FCHSD2: variants seen among roughly 807,000 people sequenced by gnomAD.
FCHSD2 encodes the protein F-BAR and double SH3 domains protein 2.
In FCHSD2, 38 loss-of-function variants were observed where a neutral mutation model predicts 108.1. The observed-to-expected ratio is 0.35, with a 90% CI of 0.27 to 0.46. The LOEUF (loss-of-function observed/expected upper bound fraction) is 0.46, where lower values mean the gene tolerates loss of function less well. Among genes scored for constraint, FCHSD2 ranks in the 20% least tolerant of loss-of-function variants. The probability of loss-of-function intolerance (pLI) is 1.00; values close to 1 mark genes in which losing one functional copy is unlikely to be tolerated. For missense variants in FCHSD2, 751 were observed against 897.8 expected (o/e 0.84, Z 2.09); for synonymous variants, 279 against 314.7 (o/e 0.89, Z 1.20).
chr11:72,906,381 T>G (rs1855630818), intron 9 of FCHSD2, among the ~76,000 whole-genome samples: 1 of 152,218 alleles, frequency 6.6e-6, no homozygotes, highest in African/African-American at 2.4e-5. Flanking sequence ...AGGGTGCCTG[T>G]TCACTCTGAT....
At chr11:72,905,367 T>C (rs1855606860) in intron 9 of FCHSD2, among the ~76,000 whole-genome samples, 1 of 152,216 alleles carries the variant, frequency 6.6e-6, no homozygotes, top group Non-Finnish European at 1.5e-5. Flanking sequence ...GTAATAATCA[T>C]ATCAAGGTAA....
chr11:72,923,792 T>C (rs977870757), intron 8 of FCHSD2, among the ~76,000 whole-genome samples: 1 of 151,930 alleles, frequency 6.6e-6, no homozygotes, highest in Non-Finnish European at 1.5e-5. Context: ...ATACAAAAAT[T>C]AGCTGATGTA....
At chr11:73,059,423 T>C (rs1354342557) in intron 3 of FCHSD2, among the ~76,000 whole-genome samples, 1 of 152,210 alleles carries the variant, frequency 6.6e-6, no homozygotes, top group Non-Finnish European at 1.5e-5. Context: ...TTGTGTCAGA[T>C]AAGTGTTAGC....
intron 2 of FCHSD2, among the ~76,000 whole-genome samples, chr11:73,102,067 C>A (rs985134641): frequency 2.6e-5 from 4 of 152,114 alleles, no homozygotes; most frequent in South Asian, 4.1e-4. Flanking sequence ...TAAATATGAA[C>A]AAATGATTTG....
At chr11:72,995,970 A>T (rs1857512720) in intron 5 of FCHSD2, among the ~76,000 whole-genome samples, 2 of 152,174 alleles carry the variant, frequency 1.3e-5, no homozygotes, top group Admixed American at 1.3e-4. Flanking sequence ...TAAAGAAAGC[A>T]GAATGGAAAA....
chr11:73,134,982 T>C (rs907247364), intron 2 of FCHSD2, among the ~76,000 whole-genome samples: 1 of 151,630 alleles, frequency 6.6e-6, no homozygotes, highest in East Asian at 1.9e-4. Flanking sequence ...GTAGCTAGAG[T>C]AGCTAGGATT....
At chr11:72,917,121 A>C (rs1855890515) in intron 9 of FCHSD2, among the ~76,000 whole-genome samples, 2 of 151,874 alleles carry the variant, frequency 1.3e-5, no homozygotes, top group Non-Finnish European at 2.9e-5. Context: ...AGCAGCTGGG[A>C]CTACAGGCAC....
chr11:72,929,058 T>C (rs1307968555), intron 8 of FCHSD2, among the ~76,000 whole-genome samples: 2 of 152,212 alleles, frequency 1.3e-5, no homozygotes, highest in Non-Finnish European at 1.5e-5. Context: ...GAACTCATCA[T>C]TTTTTATGGC....
At chr11:72,991,866 T>C (rs1054663123) in intron 5 of FCHSD2, among the ~76,000 whole-genome samples, 4 of 152,114 alleles carry the variant, frequency 2.6e-5, no homozygotes, top group East Asian at 3.8e-4. Context: ...AGGGATGCCC[T>C]CTCTCACCAC....
intron 5 of FCHSD2, among the ~76,000 whole-genome samples, chr11:73,000,474 AT>A (rs1166215183): frequency 1.3e-5 from 2 of 152,180 alleles, no homozygotes; most frequent in Non-Finnish European, 2.9e-5. Flanking sequence ...AAATATGTCC[AT>A]TTGAAAACAT....
chr11:72,863,835 G>C (rs1854657220), intron 13 of FCHSD2, among the ~76,000 whole-genome samples: 2 of 152,170 alleles, frequency 1.3e-5, no homozygotes, highest in Admixed American at 6.5e-5. Context: ...ACTATAGTAA[G>C]TACTGATAAG....
intron 8 of FCHSD2, among the ~76,000 whole-genome samples, chr11:72,960,214 G>A (rs1221699618): frequency 6.6e-6 from 1 of 152,068 alleles, no homozygotes; most frequent in African/African-American, 2.4e-5. Context: ...GGTGGGAGGG[G>A]AGATGCCATG....
chr11:73,030,278 C>T (rs1257903592), intron 3 of FCHSD2, among the ~76,000 whole-genome samples: 1 of 152,072 alleles, frequency 6.6e-6, no homozygotes, highest in African/African-American at 2.4e-5. Context: ...CTGCTAGGTA[C>T]TAGCATAGAT....
chr11:73,135,393 A>G (rs543775333), intron 2 of FCHSD2, among the ~76,000 whole-genome samples: 2 of 152,306 alleles, frequency 1.3e-5, no homozygotes, highest in African/African-American at 2.4e-5. Flanking sequence ...CTAAAATTCA[A>G]TAATTTTTCC....
At chr11:73,134,364 G>C (rs1861073748) in intron 2 of FCHSD2, among the ~76,000 whole-genome samples, 1 of 152,076 alleles carries the variant, frequency 6.6e-6, no homozygotes, top group Admixed American at 6.6e-5. Flanking sequence ...CAGCTACTCA[G>C]GAGGCTGAGG....
At chr11:73,056,141 T>G (rs1329024056) in intron 3 of FCHSD2, among the ~76,000 whole-genome samples, 2 of 152,334 alleles carry the variant, frequency 1.3e-5, no homozygotes, top group Middle Eastern at 3.4e-3. Flanking sequence ...CTAAGTGTCT[T>G]ACTTATCTGG....
chr11:73,001,125 A>T lies in FCHSD2; in HGVS notation c.252T>A (p.Tyr84Ter), dbSNP rs1411715659. 1.2e-6 allele frequency: 2 copies of T among 1,613,146 alleles called. No individual in the cohort carries two copies. Among genetic ancestry groups the T allele is most frequent in the Non-Finnish European group, 1.7e-6 (2 of 1,179,550 alleles). The change falls in exon 5 of 20, where the codon TAT (tyrosine) becomes TAA (stop). Residue 84 changes from tyrosine to a stop codon, truncating the protein, a stop_gained. Coordinates refer to ENST00000409418, the MANE Select transcript of FCHSD2 (RefSeq NM_014824.3). LOFTEE classifies it high-confidence loss of function. ...ADDRNDYRSM[Y>*]PVWKSFLEGT... is the part of the protein sequence containing the mutation. The stretch of plus-strand genomic sequence containing the variant: ...CCTCGAGAAAAGATTTCCAAACGGG[A>T]TACATGCTCCTAAATTCAAAGAGGG...
chr11:72,928,969 G>A (rs1303950235), intron 8 of FCHSD2, among the ~76,000 whole-genome samples: 3 of 151,764 alleles, frequency 2.0e-5, no homozygotes, highest in Admixed American at 2.0e-4. Flanking sequence ...GAGAACATGC[G>A]GTGTTTGGTT....
At chr11:73,089,394 A>G (rs1311069835) in intron 2 of FCHSD2, among the ~76,000 whole-genome samples, 3 of 152,234 alleles carry the variant, frequency 2.0e-5, no homozygotes, top group Admixed American at 2.0e-4. Context: ...CTGGTTAAAC[A>G]CATCATTAGC....
Sources: allele counts gnomAD v4.1 joint callset (sites outside exome capture counted in the v4.1 genomes callset), GRCh38; gene constraint gnomAD v4.1.1; transcripts MANE v1.5; gene names NCBI Gene and HGNC (gene_info 2026-07-23, HGNC 2026-07-21).